The following RNF135 variants were observed in gnomAD, a reference collection of about 807,000 sequenced individuals.
RNF135 encodes the protein E3 ubiquitin-protein ligase RNF135.
A neutral mutation model predicts 41.9 loss-of-function variants in RNF135; 46 were observed. The ratio of observed to expected loss-of-function variants is 1.10; its 90% CI spans 0.87 to 1.40. The LOEUF (loss-of-function observed/expected upper bound fraction) is 1.40. RNF135 is among the 40% of genes most tolerant of loss of function. The probability of loss-of-function intolerance (pLI) is 0.00; values close to 1 mark genes in which losing one functional copy is unlikely to be tolerated. For missense variants in RNF135, 539 were observed against 549.8 expected (o/e 0.98, Z 0.20); for synonymous variants, 238 against 223.8 (o/e 1.06, Z -0.57).
intron 1 of RNF135, among the ~76,000 whole-genome samples, chr17:30,979,641 G>T (rs1363395295): frequency 1.1e-3 from 147 of 132,558 alleles, no homozygotes; most frequent in African/African-American, 4.0e-3. Flanking sequence ...CCCGGACGGG[G>T]CGGCTGGCCA....
At chr17:30,989,795 T>A (rs1241838382) in intron 3 of RNF135, among the ~76,000 whole-genome samples, 1 of 151,444 alleles carries the variant, frequency 6.6e-6, no homozygotes, top group Non-Finnish European at 1.5e-5. Flanking sequence ...AGGTCAAGAG[T>A]TCAAGACCAG....
At chr17:30,995,672 A>G (rs1908304777) in intron 3 of RNF135, among the ~76,000 whole-genome samples, 1 of 152,116 alleles carries the variant, frequency 6.6e-6, no homozygotes, top group South Asian at 2.1e-4. Flanking sequence ...GTGGAATCAT[A>G]CAGTATTAGT....
chr17:30,988,273 A>G (rs1907734036), intron 3 of RNF135, among the ~76,000 whole-genome samples, 167 bp downstream of exon 3: 1 of 151,990 alleles, frequency 6.6e-6, no homozygotes, highest in African/African-American at 2.4e-5. Flanking sequence ...TTGTGGCTGA[A>G]TATGTTTTTG....
rs1157543380 is a variant in RNF135 at position 30,971,376 on chromosome 17, C to G, written c.303C>G (p.Cys101Trp). 1 of 1,527,548 alleles carries G rather than the reference C, an allele frequency of 6.5e-7. No individual in the cohort carries two copies. Among genetic ancestry groups the G allele is most frequent in the South Asian group, 1.2e-5 (1 of 83,066 alleles). The allele number at this position is 1,527,548 out of a possible 1,614,324, so 94.6% of individuals were successfully genotyped here. ...EIQAGSDPAH[C>W]PCPGSSSLSS... Reference sequence around the variant, plus strand: ...AGGCGGGCTCCGACCCTGCCCACTGCCCCTGCCCGGGCTCCAGTTCCCTCT... The same window carrying G: ...AGGCGGGCTCCGACCCTGCCCACTGGCCCTGCCCGGGCTCCAGTTCCCTCT... The change falls in exon 1 of 5, where the codon TGC becomes TGG. Residue 101 changes from cysteine to tryptophan, a missense_variant. Around this residue, in one of 2 missense-constraint regions of RNF135, gnomAD observed 277 missense variants for 212.8 expected, o/e 1.30. Coordinates refer to ENST00000328381, the MANE Select transcript of RNF135 (RefSeq NM_032322.4).
chr17:30,967,317 A>G (rs1905590786), upstream of RNF135, among the ~76,000 whole-genome samples: 1 of 152,216 alleles, frequency 6.6e-6, no homozygotes, highest in Admixed American at 6.5e-5. Flanking sequence ...GATGTGAGCC[A>G]CCGTGCCTGG....
intron 2 of RNF135, among the ~76,000 whole-genome samples, chr17:30,986,959 T>C (rs1446089814): frequency 6.6e-6 from 1 of 152,174 alleles, no homozygotes; most frequent in African/African-American, 2.4e-5. Context: ...AGAAAGGCAA[T>C]ATCTAGCATG....
the RNF135 span, chr17:30,964,861 T>G: frequency 6.6e-6 from 1 of 152,086 alleles, no homozygotes; most frequent in East Asian, 1.9e-4. Context: ...TTTTTGTATT[T>G]TTAGTAGAGA....
At chr17:30,990,783 T>C (rs1225074755) in intron 3 of RNF135, among the ~76,000 whole-genome samples, 3 of 152,224 alleles carry the variant, frequency 2.0e-5, no homozygotes. Flanking sequence ...ACATCTTTAT[T>C]TTATAGTACA....
At chr17:30,975,986 AAAAT>A (rs2142669024) in intron 1 of RNF135, 2 of 381,738 alleles carry the variant, frequency 5.2e-6, no homozygotes, top group East Asian at 4.9e-5. Context: ...CATGTAAAAA[AAAAT>A]AAATACTAAA....
chr17:30,976,391 T>TGATC (rs1405348096), intron 1 of RNF135, among the ~76,000 whole-genome samples: 3 of 152,242 alleles, frequency 2.0e-5, no homozygotes, highest in Non-Finnish European at 4.4e-5. Flanking sequence ...TCCTTGAGAA[T>TGATC]GATCATGTGC....
rs1349982655 is a variant in RNF135 at position 30,978,998 on chromosome 17, T to C, written c.373-5619T>C. The C allele has an allele frequency of 5.1e-5, 10 of 196,432 alleles. No individual in the cohort carries two copies. The East Asian group carries it at 1.8e-3, about 34-fold the overall frequency. The allele number at this position is 196,432 out of a possible 1,614,324, so 12.2% of individuals were successfully genotyped here. A position where few individuals can be genotyped will look rare whatever the true frequency, so the allele number is the denominator to read the frequency against. ...ACAGAACAAAATGAAAAGTCTCCCA[T>C]GTCTACTTCTATCCACACAGACCCG... is the stretch of plus-strand genomic sequence containing the variant. On this transcript the variant is annotated intron_variant, in intron 1 of 4. Transcript: ENST00000328381.
At position 30,971,122 on chromosome 17, in the gene RNF135, G is replaced by A; in HGVS notation, c.49G>A (p.Asp17Asn). ...GSAVPVWLAEDDLGCIICQGL... is the reference protein window; with the variant it reads ...GSAVPVWLAENDLGCIICQGL... ...CGCCGTTCCCGTGTGGCTGGCCGAG[G>A]ACGACCTCGGCTGCATCATCTGCCA... Residue 17 changes from aspartate to asparagine, a missense_variant, in exon 1 of 5, where the codon GAC becomes AAC. Asp to Asn is a conservative substitution (Grantham distance 23). Coordinates refer to ENST00000328381, the MANE Select transcript of RNF135 (RefSeq NM_032322.4). 3 of 1,534,342 alleles carry A rather than the reference G, an allele frequency of 2.0e-6. No individual in the cohort carries two copies. The highest frequency in any genetic ancestry group is 2.6e-6 in the Non-Finnish European group (3 of 1,146,088).
chr17:30,992,037 T>G (rs1344594059), intron 3 of RNF135, among the ~76,000 whole-genome samples: 2 of 151,814 alleles, frequency 1.3e-5, no homozygotes, highest in African/African-American at 4.8e-5. Flanking sequence ...GTTCAAGTGA[T>G]TCTCCTGCCT....
chr17:30,975,096 C>G (rs1906324767), intron 1 of RNF135, among the ~76,000 whole-genome samples: 1 of 150,604 alleles, frequency 6.6e-6, no homozygotes, highest in Admixed American at 6.6e-5. Context: ...CAAGACCAGC[C>G]TGGGCAGCAT....
Position 30,988,177 on chromosome 17 carries a change from C to T in RNF135, c.679+71C>T. 2.8e-6 allele frequency: 4 copies of T among 1,434,504 alleles called. No individual in the cohort carries two copies. In the Admixed American group the frequency reaches 7.1e-5, roughly 25 times the overall value. 88.9% of individuals were successfully genotyped at this position (1,434,504 alleles called of 1,614,324 possible). A position where few individuals can be genotyped will look rare whatever the true frequency, so the allele number is the denominator to read the frequency against. On this transcript the variant is annotated intron_variant, in intron 3 of 4. Coordinates refer to ENST00000328381, the MANE Select transcript of RNF135 (RefSeq NM_032322.4). ...GGGGGAGTAGCAGAGTGCTCTATGG[C>T]TTTGTTCTCTGGGGATAGGATCCCA...
chr17:30,997,185 C>T, intron 3 of RNF135, 57 bp from the exon 4 acceptor site: 1 of 1,312,222 alleles, frequency 7.6e-7, no homozygotes, highest in South Asian at 1.2e-5. Context: ...TGTTTGGAGA[C>T]CTTCAGTTTG....
At chr17:30,996,686 C>A (rs1908370730) in intron 3 of RNF135, among the ~76,000 whole-genome samples, 1 of 152,194 alleles carries the variant, frequency 6.6e-6, no homozygotes, top group African/African-American at 2.4e-5. Context: ...ACTTCCCTTA[C>A]TTATCATCTG....
intron 3 of RNF135, among the ~76,000 whole-genome samples, chr17:30,991,230 G>T (rs987130203): frequency 4.6e-5 from 7 of 151,828 alleles, no homozygotes; most frequent in African/African-American, 1.7e-4. Context: ...AGTCTTGGTG[G>T]TGGGTGCCCG....
the RNF135 span, among the ~76,000 whole-genome samples, chr17:30,962,566 T>C: frequency 6.6e-6 from 1 of 151,802 alleles, no homozygotes; most frequent in Non-Finnish European, 1.5e-5. Context: ...CTTGGGTTCA[T>C]GCCATTCTCC....
Sources: allele counts gnomAD v4.1 joint callset (sites outside exome capture counted in the v4.1 genomes callset), GRCh38; gene constraint gnomAD v4.1.1; regional missense constraint gnomAD v4.1.1; transcripts MANE v1.5; gene names NCBI Gene and HGNC (gene_info 2026-07-23, HGNC 2026-07-21).